CDH13: variants seen among roughly 807,000 people sequenced by gnomAD.
CDH13 encodes cadherin 13, also known as cadherin-13.
Under a neutral mutation model 63.8 loss-of-function variants are expected in CDH13, and 24 were observed. That is an observed-to-expected ratio of 0.38 (90% CI 0.27 to 0.53). CDH13 has a LOEUF of 0.53. Among genes scored for constraint, CDH13 ranks in the 20% least tolerant of loss-of-function variants. CDH13 has a pLI of 0.85. For missense variants in CDH13, 1,049 were observed against 903.1 expected, an observed-to-expected ratio of 1.16 and a Z score of -2.07; for synonymous variants, 503 against 355.3, an observed-to-expected ratio of 1.42 and a Z score of -4.67.
At chr16:83,023,148 G>T (rs902520561) in intron 2 of CDH13, 3 of 152,162 alleles carry the variant, frequency 2.0e-5, no homozygotes, top group Non-Finnish European at 4.4e-5. Context: ...TTTCAATTGT[G>T]GTTTTGTCTC....
At chr16:83,456,670 A>G (rs1272894607) in intron 6 of CDH13, among the ~76,000 whole-genome samples, 1 of 152,080 alleles carries the variant, frequency 6.6e-6, no homozygotes, top group Non-Finnish European at 1.5e-5. Context: ...CATCAGAAAG[A>G]TACCCTAGGG....
At chr16:83,766,581 TGC>T (rs767165901) in intron 11 of CDH13, among the ~76,000 whole-genome samples, 14 of 152,244 alleles carry the variant, frequency 9.2e-5, no homozygotes, top group Non-Finnish European at 1.8e-4. Flanking sequence ...ATATGCTGCA[TGC>T]CTCTGGGCCT....
At chr16:82,905,830 C>T (rs939821340) in intron 2 of CDH13, among the ~76,000 whole-genome samples, 10 of 152,190 alleles carry the variant, frequency 6.6e-5, no homozygotes, top group South Asian at 2.1e-4. Flanking sequence ...TCGATTAGGA[C>T]GAGCCACATT....
chr16:82,831,478 A>G (rs2038537822), intron 1 of CDH13, among the ~76,000 whole-genome samples: 1 of 152,158 alleles, frequency 6.6e-6, no homozygotes, highest in Admixed American at 6.6e-5. Context: ...TTTGCTTGGA[A>G]GACCAAAATC....
chr16:82,663,631 C>T (rs1912241106), intron 1 of CDH13, among the ~76,000 whole-genome samples: 1 of 152,206 alleles, frequency 6.6e-6, no homozygotes, highest in Admixed American at 6.5e-5. Flanking sequence ...GCTTTGGCCG[C>T]TTCTTCAGAC....
intron 7 of CDH13, among the ~76,000 whole-genome samples, chr16:83,590,088 A>T (rs1598338659): frequency 6.6e-6 from 1 of 152,184 alleles, no homozygotes; most frequent in Admixed American, 6.5e-5. Flanking sequence ...GAACAAACAG[A>T]TGAGGCCATG....
chr16:83,138,430 C>T (rs1383350793), intron 4 of CDH13, among the ~76,000 whole-genome samples: 3 of 152,074 alleles, frequency 2.0e-5, no homozygotes, highest in Non-Finnish European at 4.4e-5. Flanking sequence ...TCCTGAAGGA[C>T]GCCTAAGAGC....
chr16:83,563,795 C>A (rs1010681459), intron 7 of CDH13, among the ~76,000 whole-genome samples: 2 of 152,174 alleles, frequency 1.3e-5, no homozygotes, highest in African/African-American at 4.8e-5. Flanking sequence ...TGCCTTTCCT[C>A]TGCTCCCTGG....
At chr16:82,694,683 A>G (rs927195744) in intron 1 of CDH13, among the ~76,000 whole-genome samples, 1 of 152,162 alleles carries the variant, frequency 6.6e-6, no homozygotes, top group Non-Finnish European at 1.5e-5. Context: ...CAACATTCCA[A>G]ATATAAATAA....
At chr16:83,276,781 G>A (rs1463937808) in intron 5 of CDH13, among the ~76,000 whole-genome samples, 1 of 152,162 alleles carries the variant, frequency 6.6e-6, no homozygotes, top group Non-Finnish European at 1.5e-5. Flanking sequence ...TGAGGCAGAA[G>A]AATGGCATGA....
intron 6 of CDH13, among the ~76,000 whole-genome samples, chr16:83,473,211 C>T (rs1457690122): frequency 6.6e-6 from 1 of 152,176 alleles, no homozygotes; most frequent in East Asian, 1.9e-4. Flanking sequence ...TTATTTTATA[C>T]ATACTTTCAT....
intron 7 of CDH13, among the ~76,000 whole-genome samples, chr16:83,550,485 T>A (rs137888188): frequency 1.3e-5 from 2 of 152,192 alleles, no homozygotes; most frequent in African/African-American, 4.8e-5. Flanking sequence ...AGACAATTGA[T>A]TGATAGGAGG....
At chr16:83,050,290 A>G (rs1446250768) in intron 3 of CDH13, among the ~76,000 whole-genome samples, 2 of 152,128 alleles carry the variant, frequency 1.3e-5, no homozygotes, top group Non-Finnish European at 2.9e-5. Flanking sequence ...ACTCTTTGAG[A>G]AACCACCCAA....
intron 1 of CDH13, among the ~76,000 whole-genome samples, chr16:82,629,661 A>G (rs965913442): frequency 1.4e-4 from 21 of 152,198 alleles, no homozygotes; most frequent in African/African-American, 3.9e-4. Flanking sequence ...TTTGGAAGCC[A>G]TCAATCTCTG....
chr16:82,699,362 C>G (rs1472264610), intron 1 of CDH13, among the ~76,000 whole-genome samples: 1 of 152,154 alleles, frequency 6.6e-6, no homozygotes, highest in African/African-American at 2.4e-5. Flanking sequence ...CAGCTCCATC[C>G]TCCTGAGAAC....
chr16:83,522,098 G>A (rs76652314), intron 7 of CDH13, among the ~76,000 whole-genome samples: 322 of 152,262 alleles, frequency 2.1e-3, no homozygotes, highest in African/African-American at 7.3e-3. Flanking sequence ...CCCCTGCTGC[G>A]CAGAGTGCAG....
intron 7 of CDH13, among the ~76,000 whole-genome samples, chr16:83,549,481 T>C (rs537463494): frequency 5.3e-4 from 80 of 152,278 alleles, no homozygotes; most frequent in South Asian, 1.0e-3. Context: ...CTGCTGCCGG[T>C]TGCAGGCTGC....
intron 3 of CDH13, among the ~76,000 whole-genome samples, chr16:83,055,685 A>G (rs1397650140): frequency 6.6e-6 from 1 of 152,060 alleles, no homozygotes; most frequent in Non-Finnish European, 1.5e-5. Flanking sequence ...AAGAAAATAC[A>G]CTAATCTTAT....
At chr16:82,852,969 T>TA (rs374374831) in intron 1 of CDH13, among the ~76,000 whole-genome samples, 124 of 151,540 alleles carry the variant, frequency 8.2e-4, no homozygotes, top group African/African-American at 1.8e-3. Flanking sequence ...CCTGTCAGGA[T>TA]AAAAAAAAAC....
Sources: gnomAD v4.1 joint callset for allele counts (sites outside exome capture counted in the v4.1 genomes callset) on GRCh38, gnomAD v4.1.1 for gene constraint, MANE v1.5 for transcripts, NCBI Gene and HGNC (gene_info 2026-07-23, HGNC 2026-07-21) for gene names.